Variants in ASL observed in about 807,000 individuals in gnomAD.
ASL encodes the protein argininosuccinate lyase.
A neutral mutation model predicts 69.1 loss-of-function variants in ASL; 51 were observed. The ratio of observed to expected loss-of-function variants is 0.74; its 90% CI spans 0.59 to 0.93. The LOEUF is 0.93. Among genes scored for constraint, ASL ranks in the 40% least tolerant of loss-of-function variants. ASL has a pLI of 0.00. For synonymous variants in ASL, 241 were observed against 247.6 expected (o/e 0.97, Z 0.25); for missense variants, 540 against 623.9 (o/e 0.87, Z 1.43).
At chr7:66,092,506 T>A in intron 15 of ASL, 51 bp from the exon 16 acceptor site, 6 of 1,473,570 alleles carry the variant, frequency 4.1e-6, no homozygotes, top group Non-Finnish European at 5.6e-6. Context: ...TGGAGGCAGA[T>A]CAGGGCATGG....
intron 14 of ASL, among the ~76,000 whole-genome samples, chr7:66,090,864 A>G (rs1786820662): frequency 6.6e-6 from 1 of 152,012 alleles, no homozygotes; most frequent in Non-Finnish European, 1.5e-5. Flanking sequence ...TTGCGAGACT[A>G]AGGTGGGCAG....
chr7:66,093,089 C>A lies in ASL; in HGVS notation c.*177C>A. On this transcript the variant is annotated 3_prime_UTR_variant, in exon 17 of 17. Transcript: ENST00000304874. ...CCCAGCACTTTGGAAGGGCAAGGTG[C>A]GAGGATGCTTGAGGCCAGGAGTTTG... The A allele has an allele frequency of 9.7e-7, 1 of 1,033,984 alleles. No individual in the cohort carries two copies. The highest frequency in any genetic ancestry group is 1.4e-6 in the Non-Finnish European group (1 of 708,782). 64.1% of individuals were successfully genotyped at this position (1,033,984 alleles called of 1,614,324 possible). A position where few individuals can be genotyped will look rare whatever the true frequency, so the allele number is the denominator to read the frequency against.
rs768513273 is a variant in ASL at position 66,089,707 on chromosome 7, C to T, written c.1062+12C>T. On this transcript the variant is annotated intron_variant, in intron 14 of 16. Transcript: ENST00000304874. ...TCTCTACGCTGCAGGCAAGACATCA[C>T]CCCCCTGCTTCTCCTCCCCTAGGTC... The T allele has an allele frequency of 3.7e-6, 6 of 1,612,368 alleles. No individual in the cohort carries two copies. In the East Asian group the frequency reaches 1.1e-4, roughly 30 times the overall value.
intron 14 of ASL, 125 bp from the exon 15 acceptor site, chr7:66,091,881 A>T (rs1304706307): frequency 1.1e-6 from 1 of 911,504 alleles, no homozygotes; most frequent in African/African-American, 1.6e-5. Flanking sequence ...AGTGAGACAG[A>T]GCCGAGTGGG....
intron 2 of ASL, among the ~76,000 whole-genome samples, chr7:66,079,454 C>T (rs1183650300): frequency 6.6e-6 from 1 of 152,124 alleles, no homozygotes; most frequent in East Asian, 1.9e-4. Flanking sequence ...GGCCTCTGCC[C>T]TCTTTCAAAA....
chr7:66,075,879 G>A (rs545638088), intron 1 of ASL, 23 bp downstream of exon 1: 35 of 606,500 alleles, frequency 5.8e-5, no homozygotes, highest in Non-Finnish European at 9.0e-5. Context: ...CGGCCGGATG[G>A]GCGGGACGGG....
intron 6 of ASL, 182 bp downstream of exon 6, chr7:66,083,356 C>G: frequency 3.3e-6 from 2 of 609,390 alleles, no homozygotes; most frequent in Non-Finnish European, 5.7e-6. Flanking sequence ...CCCCAATACT[C>G]CCATGCCAGT....
At chr7:66,083,300 TC>T in intron 6 of ASL, 126 bp downstream of exon 6, 1 of 1,042,336 alleles carries the variant, frequency 9.6e-7, no homozygotes, top group Non-Finnish European at 1.4e-6. Context: ...ATCCCAGAAC[TC>T]CAGGATCGAG....
At chr7:66,075,886 C>G in intron 1 of ASL, 30 bp downstream of exon 1, 1 of 625,304 alleles carries the variant, frequency 1.6e-6, no homozygotes, top group Non-Finnish European at 2.8e-6. Context: ...ATGGGCGGGA[C>G]GGGCGTGGAG....
In ASL at chr7:66,086,747, C is replaced by T. The variant is rs150557376; in HGVS notation, c.528C>T (p.His176=). The T allele has an allele frequency of 1.9e-5, 30 of 1,605,940 alleles. No individual in the cohort carries two copies. The highest frequency in any genetic ancestry group is 1.5e-4 in the African/African-American group (11 of 74,780). Residue 176 remains histidine, a synonymous_variant, in exon 8 of 17, where the codon CAC becomes CAT. Coordinates refer to ENST00000304874, the MANE Select transcript of ASL (RefSeq NM_000048.4). The part of the protein sequence containing the change: ...PIRWSHWILS[H]AVALTRDSER... ...TCCTGCCCCTGGCTTCCCACAGCCA[C>T]GCCGTGGCACTGACCCGAGACTCTG...
Position 66,092,777 on chromosome 7 carries a change from C to T in ASL, c.1260C>T (p.Phe420=), listed in dbSNP as rs1208131360. The T allele has an allele frequency of 3.1e-6, 5 of 1,613,776 alleles. No individual in the cohort carries two copies. In the African/African-American group the frequency reaches 5.3e-5, roughly 17 times the overall value. ...CTTCCTCTCTCCCCAGCCCCCTGTT[C>T]TCGGGCGACGTGATCTGCGTGTGGG... is the stretch of plus-strand genomic sequence containing the variant. ...LQELQTISPL[F]SGDVICVWDY... Residue 420 remains phenylalanine (F), a synonymous_variant, in exon 17 of 17, where the codon TTC becomes TTT. Transcript: ENST00000304874.
Position 66,083,077 on chromosome 7 carries a change from G to C in ASL, c.349G>C (p.Val117Leu). ...LHTGRSRNDQ[V>L]VTDLRLWMRQ... ...TGAGCACCATCTCCTCCTTGCACAGGTGGTCACAGACCTCAGGCTGTGGAT... is the reference window on the plus strand; with the variant it reads ...TGAGCACCATCTCCTCCTTGCACAGCTGGTCACAGACCTCAGGCTGTGGAT... The change falls in exon 6 of 17, where the codon GTG (valine) becomes CTG (leucine). Residue 117 changes from valine to leucine, a missense_variant and splice_region_variant. Transcript: ENST00000304874. 6.2e-7 allele frequency: 1 copy of C among 1,613,872 alleles called. No individual in the cohort carries two copies. The highest frequency in any genetic ancestry group is 8.5e-7 in the Non-Finnish European group (1 of 1,180,002).
In ASL at chr7:66,092,848, C is replaced by T. The variant is rs749788626; in HGVS notation, c.1331C>T (p.Ala444Val). Reference sequence around the variant, plus strand: ...CAGTATGGTGCCCTGGGCGGCACTGCGCGCTCCAGCGTCGACTGGCAGATC... The same window carrying T: ...CAGTATGGTGCCCTGGGCGGCACTGTGCGCTCCAGCGTCGACTGGCAGATC... ...VEQYGALGGT[A>V]RSSVDWQIRQ... The change falls in exon 17 of 17, where the codon GCG becomes GTG. Residue 444 changes from alanine (A) to valine (V), a missense_variant. Ala to Val is a moderately conservative substitution (Grantham distance 64). Coordinates refer to ENST00000304874, the MANE Select transcript of ASL (RefSeq NM_000048.4). 3.7e-6 allele frequency: 6 copies of T among 1,613,156 alleles called. No individual in the cohort carries two copies. The highest frequency in any genetic ancestry group is 3.3e-5 in the South Asian group (3 of 91,084).
At chr7:66,080,890 C>T (rs1194954542) in intron 2 of ASL, among the ~76,000 whole-genome samples, 2 of 152,124 alleles carry the variant, frequency 1.3e-5, no homozygotes, top group Non-Finnish European at 2.9e-5. Context: ...TAGTCCAGCT[C>T]CAAGCTGTGA....
At chr7:66,088,783 G>A (rs770800333) in intron 10 of ASL, 24 bp from the exon 11 acceptor site, 1 of 1,598,076 alleles carries the variant, frequency 6.3e-7, no homozygotes. Flanking sequence ...GAGAGGCCTG[G>A]TGACTGGGAA....
rs141046612 is a variant in ASL, at chr7:66,082,402, T to C, written c.242T>C (p.Leu81Pro). 141 of 1,612,528 alleles carry C rather than the reference T, an allele frequency of 8.7e-5. No individual in the cohort carries two copies. In the African/African-American group the frequency reaches 1.5e-3, roughly 17 times the overall value. ...GAGTGGGCCCAGGGCACCTTCAAACTGAACTCCAATGATGAGGACATCCAC... is the reference window on the plus strand; with the variant it reads ...GAGTGGGCCCAGGGCACCTTCAAACCGAACTCCAATGATGAGGACATCCAC... ...AEEWAQGTFK[L>P]NSNDEDIHTA... The change falls in exon 4 of 17, where the codon CTG becomes CCG. Residue 81 changes from leucine (L) to proline (P), a missense_variant. By Grantham distance (98) the Leu-to-Pro change is moderately conservative. Coordinates refer to ENST00000304874, the MANE Select transcript of ASL (RefSeq NM_000048.4).
Position 66,083,071 on chromosome 7 carries a change from G to A in ASL, c.349-6G>A. On this transcript the variant is annotated splice_polypyrimidine_tract_variant and splice_region_variant and intron_variant, in intron 5 of 16. Transcript: ENST00000304874. ...CCTCCCTGAGCACCATCTCCTCCTT[G>A]CACAGGTGGTCACAGACCTCAGGCT... 1 of 1,613,810 alleles carries A rather than the reference G, an allele frequency of 6.2e-7. No homozygotes were observed.
chr7:66,083,439 C>T, intron 6 of ASL: 1 of 383,838 alleles, frequency 2.6e-6, no homozygotes, highest in Non-Finnish European at 5.0e-6. Flanking sequence ...AATCTCAGCA[C>T]TTTGGGAGGC....
intron 8 of ASL, 29 bp downstream of exon 8, chr7:66,086,850 C>T: frequency 6.4e-7 from 1 of 1,554,430 alleles, no homozygotes; most frequent in Non-Finnish European, 8.7e-7. Flanking sequence ...CCCCGAGGGC[C>T]TGGTGGGGGT....
Sources: allele counts gnomAD v4.1 joint callset (sites outside exome capture counted in the v4.1 genomes callset), GRCh38; gene constraint gnomAD v4.1.1; transcripts MANE v1.5; gene names NCBI Gene and HGNC (gene_info 2026-07-23, HGNC 2026-07-21).